Variants in CNTN5 observed in about 807,000 individuals in gnomAD.
CNTN5 encodes contactin 5.
A neutral mutation model predicts 129.1 loss-of-function variants in CNTN5; 77 were observed. The observed-to-expected ratio is 0.60, with a 90% CI of 0.50 to 0.72. CNTN5 has a LOEUF of 0.72. Ranked by LOEUF, CNTN5 falls within the 30% of genes least tolerant of loss-of-function variation. The probability of loss-of-function intolerance (pLI) is 0.00; values close to 1 mark genes in which losing one functional copy is unlikely to be tolerated. For missense variants in CNTN5, 1,478 were observed against 1,328.8 expected (o/e 1.11, Z -1.75); for synonymous variants, 509 against 465.6 (o/e 1.09, Z -1.20).
At chr11:99,833,174 G>A (rs764421534) in intron 4 of CNTN5, among the ~76,000 whole-genome samples, 2 of 152,120 alleles carry the variant, frequency 1.3e-5, no homozygotes, top group East Asian at 1.9e-4. Flanking sequence ...TGATATGAAG[G>A]AAGTTATAAA....
intron 6 of CNTN5, among the ~76,000 whole-genome samples, chr11:99,877,416 T>C (rs1948661845): frequency 6.6e-6 from 1 of 152,208 alleles, no homozygotes; most frequent in Non-Finnish European, 1.5e-5. Flanking sequence ...AAGTAGGAAC[T>C]GGTTCTGCTC....
chr11:99,174,924 C>T (rs1274727411), intron 1 of CNTN5, among the ~76,000 whole-genome samples: 1 of 151,990 alleles, frequency 6.6e-6, no homozygotes, highest in African/African-American at 2.4e-5. Context: ...GTTATTAGCT[C>T]TAATGTATTC....
At chr11:99,923,869 C>A (rs1432199886) in intron 7 of CNTN5, among the ~76,000 whole-genome samples, 1 of 152,210 alleles carries the variant, frequency 6.6e-6, no homozygotes, top group African/African-American at 2.4e-5. Flanking sequence ...CTCACTGCAA[C>A]CTCCACCTCC....
chr11:100,109,194 G>T (rs1167803257), intron 13 of CNTN5, among the ~76,000 whole-genome samples: 1 of 152,176 alleles, frequency 6.6e-6, no homozygotes, highest in Non-Finnish European at 1.5e-5. Flanking sequence ...TTGGGAGGTC[G>T]AGGCGGATGG....
At chr11:100,051,551 T>C (rs1054143077) in intron 9 of CNTN5, among the ~76,000 whole-genome samples, 1 of 151,912 alleles carries the variant, frequency 6.6e-6, no homozygotes, top group African/African-American at 2.4e-5. Flanking sequence ...TCTAAACTTC[T>C]ACCTTAAACA....
chr11:99,575,233 C>T (rs1020022338), intron 3 of CNTN5, among the ~76,000 whole-genome samples: 10 of 152,116 alleles, frequency 6.6e-5, no homozygotes, highest in African/African-American at 2.4e-4. Context: ...AATAGAATCC[C>T]CCTTAAATAT....
chr11:99,173,118 C>A (rs2135545639), intron 1 of CNTN5, among the ~76,000 whole-genome samples: 1 of 152,206 alleles, frequency 6.6e-6, no homozygotes, highest in African/African-American at 2.4e-5. Flanking sequence ...TGGGAAAGAG[C>A]CATCCCTATA....
At chr11:99,517,286 A>G (rs1947093707) in intron 2 of CNTN5, among the ~76,000 whole-genome samples, 1 of 151,982 alleles carries the variant, frequency 6.6e-6, no homozygotes, top group Non-Finnish European at 1.5e-5. Context: ...TTTCTTTATT[A>G]TTCCCTTAAC....
intron 3 of CNTN5, among the ~76,000 whole-genome samples, chr11:99,806,831 A>T (rs568342846): frequency 9.9e-5 from 15 of 151,246 alleles, no homozygotes; most frequent in Admixed American, 7.9e-4. Context: ...AAAAAAAAAA[A>T]TAGATACATT....
intron 18 of CNTN5, among the ~76,000 whole-genome samples, chr11:100,289,385 G>A (rs1950893007): frequency 6.6e-6 from 1 of 151,530 alleles, no homozygotes. Context: ...ACCGAATCCA[G>A]CAGCACATCA....
At chr11:99,749,188 T>C (rs1295469370) in intron 3 of CNTN5, among the ~76,000 whole-genome samples, 1 of 152,116 alleles carries the variant, frequency 6.6e-6, no homozygotes, top group Non-Finnish European at 1.5e-5. Flanking sequence ...AAACTTTGCA[T>C]TCCAAAATCT....
At chr11:99,797,090 C>A (rs770658147) in intron 3 of CNTN5, among the ~76,000 whole-genome samples, 1 of 152,196 alleles carries the variant, frequency 6.6e-6, no homozygotes, top group South Asian at 2.1e-4. Context: ...GCAGATATCC[C>A]TCCTGGCTAC....
chr11:99,162,988 T>C (rs1860690290), intron 1 of CNTN5, among the ~76,000 whole-genome samples: 1 of 152,208 alleles, frequency 6.6e-6, no homozygotes. Flanking sequence ...CTTAATTTGA[T>C]ATGCGACACT....
chr11:99,906,791 G>T (rs1333626042), intron 6 of CNTN5, among the ~76,000 whole-genome samples: 1 of 151,864 alleles, frequency 6.6e-6, no homozygotes, highest in Non-Finnish European at 1.5e-5. Flanking sequence ...TTTTTTGGTT[G>T]GTAGGCTATT....
intron 2 of CNTN5, among the ~76,000 whole-genome samples, chr11:99,514,056 A>T (rs570145610): frequency 6.6e-6 from 1 of 152,150 alleles, no homozygotes; most frequent in African/African-American, 2.4e-5. Context: ...TAAAATATGA[A>T]CATTAACAAG....
At chr11:99,269,770 T>C (rs1863088517) in intron 1 of CNTN5, among the ~76,000 whole-genome samples, 1 of 150,364 alleles carries the variant, frequency 6.7e-6, no homozygotes, top group Non-Finnish European at 1.5e-5. Flanking sequence ...ACTTCTAGGG[T>C]AGGATTATTT....
At chr11:100,337,891 A>G (rs1952067858) in intron 21 of CNTN5, among the ~76,000 whole-genome samples, 1 of 152,214 alleles carries the variant, frequency 6.6e-6, no homozygotes, top group Non-Finnish European at 1.5e-5. Flanking sequence ...CATAATGCAA[A>G]TAACTCTTTT....
At chr11:100,144,745 T>TG in intron 13 of CNTN5, among the ~76,000 whole-genome samples, 1 of 151,906 alleles carries the variant, frequency 6.6e-6, no homozygotes, top group Non-Finnish European at 1.5e-5. Context: ...ATTTTTTTTT[T>TG]TTTGAGACTG....
intron 2 of CNTN5, among the ~76,000 whole-genome samples, chr11:99,498,235 G>A (rs902348178): frequency 3.0e-4 from 46 of 152,054 alleles, no homozygotes; most frequent in African/African-American, 1.1e-3. Context: ...TAAGTATAAT[G>A]TGTAATAAAT....
Sources: allele counts gnomAD v4.1 joint callset (sites outside exome capture counted in the v4.1 genomes callset), GRCh38; gene constraint gnomAD v4.1.1; transcripts MANE v1.5; gene names NCBI Gene and HGNC (gene_info 2026-07-23, HGNC 2026-07-21).